The following PHRF1 variants were observed in gnomAD, a reference collection of about 807,000 sequenced individuals.
PHRF1 encodes PHD and ring finger domains 1, also known as PHD and RING finger domain-containing protein 1.
A neutral mutation model predicts 128.9 loss-of-function variants in PHRF1; 53 were observed. The observed-to-expected ratio is 0.41, with a 90% CI of 0.33 to 0.52. The LOEUF (loss-of-function observed/expected upper bound fraction) is 0.52, where lower values mean the gene tolerates loss of function less well. PHRF1 is among the 20% of genes least tolerant of loss of function. The probability of loss-of-function intolerance (pLI) is 0.21; values close to 1 mark genes in which losing one functional copy is unlikely to be tolerated. For synonymous variants in PHRF1, 1,178 were observed against 980.6 expected, an observed-to-expected ratio of 1.20 and a Z score of -3.76; for missense variants, 2,503 against 2,284.5, an observed-to-expected ratio of 1.10 and a Z score of -1.95.
At chr11:586,708 T>C (rs2132890056) in intron 3 of PHRF1, among the ~76,000 whole-genome samples, 1 of 152,338 alleles carries the variant, frequency 6.6e-6, no homozygotes, top group East Asian at 1.9e-4. Context: ...CCACTCCGAA[T>C]TGGCCAGAAC....
chr11:591,833 A>G (rs931193815), intron 5 of PHRF1, among the ~76,000 whole-genome samples: 15 of 151,696 alleles, frequency 9.9e-5, no homozygotes, highest in African/African-American at 1.7e-4. Flanking sequence ...TACAGCCTCA[A>G]TCTCCTGGGC....
At position 597,674 on chromosome 11, in the gene PHRF1, C is replaced by A; in HGVS notation, c.894+104C>A. The A allele has an allele frequency of 7.2e-7, 1 of 1,389,944 alleles. No homozygotes were observed. Among genetic ancestry groups the A allele is most frequent in the Non-Finnish European group, 9.7e-7 (1 of 1,030,622 alleles). 86.1% of individuals were successfully genotyped at this position (1,389,944 alleles called of 1,614,324 possible). ...GGCGTCGTCGGCACTGTGGGGTCCG[C>A]CCGGCCCCGGTGGCTCATGTTGTTC... On this transcript the variant is annotated intron_variant, in intron 8 of 17. Coordinates refer to ENST00000264555, the MANE Select transcript of PHRF1 (RefSeq NM_001286581.2). The surrounding 1 kb of genome is among the most constrained non-coding windows in gnomAD (Gnocchi z 6.5).
rs1855397835 is a variant in PHRF1 at position 598,000 on chromosome 11, T to C, written c.895-373T>C. On this transcript the variant is annotated intron_variant, in intron 8 of 17. Transcript: ENST00000264555. This position sits in a 1 kb window ranked among gnomAD's most constrained non-coding sequence, Gnocchi z 6.5. ...TGGACAAGCAGGAGGGTCTGGGCTG[T>C]GGGCATGTGGTGTGTGCCCTTGGCA... 6.6e-6 allele frequency among the ~76,000 whole-genome samples: 1 copy of C among 152,164 alleles called. No individual in the cohort carries two copies. Among genetic ancestry groups the C allele is most frequent in the African/African-American group, 2.4e-5 (1 of 41,432 alleles).
At chr11:603,492 C>G (rs1855759844) in intron 10 of PHRF1, among the ~76,000 whole-genome samples, 1 of 152,116 alleles carries the variant, frequency 6.6e-6, no homozygotes, top group Non-Finnish European at 1.5e-5. Flanking sequence ...CACGCCACCT[C>G]ACCTAGCTAA....
chr11:611,220 A>G (rs934836011), intron 17 of PHRF1, 138 bp downstream of exon 17: 10 of 1,379,474 alleles, frequency 7.2e-6, no homozygotes, highest in Admixed American at 2.5e-5. Context: ...AGGGGGCTGT[A>G]TTGCCACATC....
chr11:611,519 C>T, intron 17 of PHRF1, 115 bp from the exon 18 acceptor site: 3 of 1,445,052 alleles, frequency 2.1e-6, no homozygotes, highest in Non-Finnish European at 2.8e-6. Flanking sequence ...CTGCGTGCTG[C>T]ACCTAGGGCC....
rs528246217 is a variant in PHRF1 at position 581,842 on chromosome 11, G to T, written c.95-120G>T. ...TTGTGCCCCCACCTTGCCGGCCCTGGGGAAGCCGTTAGCCGTTTGGCAGGT... is the reference window on the plus strand; with the variant it reads ...TTGTGCCCCCACCTTGCCGGCCCTGTGGAAGCCGTTAGCCGTTTGGCAGGT... On this transcript the variant is annotated intron_variant, in intron 2 of 17. Transcript: ENST00000264555. 2.1e-5 allele frequency: 30 copies of T among 1,398,388 alleles called. No homozygotes were observed. In the South Asian group the frequency reaches 4.5e-4, roughly 21 times the overall value. The allele number at this position is 1,398,388 out of a possible 1,614,324, so 86.6% of individuals were successfully genotyped here. A position where few individuals can be genotyped will look rare whatever the true frequency, so the allele number is the denominator to read the frequency against.
At chr11:591,076 C>T (rs1220737560) in intron 4 of PHRF1, among the ~76,000 whole-genome samples, 1 of 152,212 alleles carries the variant, frequency 6.6e-6, no homozygotes, top group East Asian at 1.9e-4. Flanking sequence ...AAGACTTGAA[C>T]AGGCTCGCCG....
At position 610,938 on chromosome 11, in the gene PHRF1, C is replaced by T. The variant is rs768872921; in HGVS notation, c.4678-16C>T. The T allele has an allele frequency of 1.9e-6, 3 of 1,611,834 alleles. No homozygotes were observed. The highest frequency in any genetic ancestry group is 1.1e-5 in the South Asian group (1 of 91,042). On this transcript the variant is annotated splice_polypyrimidine_tract_variant and intron_variant, in intron 16 of 17. Transcript: ENST00000264555. ...CGGCTCCCTTCCTGGCCGCATCACA[C>T]ACATGTCCCCTCTAGTACATGAAGA...
rs751186044 is a variant in PHRF1 at position 597,517 on chromosome 11, A to C, written c.841A>C (p.Arg281=). 6.2e-7 allele frequency: 1 copy of C among 1,612,626 alleles called. No individual in the cohort carries two copies. Among genetic ancestry groups the C allele is most frequent in the Non-Finnish European group, 8.5e-7 (1 of 1,179,600 alleles). Residue 281 remains arginine, a synonymous_variant, in exon 8 of 18, where the codon AGA becomes CGA. Coordinates refer to ENST00000264555, the MANE Select transcript of PHRF1 (RefSeq NM_001286581.2). The surrounding 1 kb of genome is among the most constrained non-coding windows in gnomAD (Gnocchi z 6.5). The part of the protein sequence containing the change: ...RAIARTRQSE[R]VRATVNRNRI... ...GATAGCCAGGACACGGCAGAGTGAG[A>C]GAGTGAGAGCAACCGTGAACCGGAA... is the stretch of plus-strand genomic sequence containing the variant.
rs1243607187 is a variant in PHRF1, at chr11:608,816, A to T, written c.3360A>T (p.Gly1120=). The T allele has an allele frequency of 9.9e-6, 16 of 1,611,960 alleles. No individual in the cohort carries two copies. Among genetic ancestry groups the T allele is most frequent in the Non-Finnish European group, 1.4e-5 (16 of 1,179,830 alleles). The change falls in exon 14 of 18, where the codon GGA becomes GGT. Residue 1120 remains glycine (G), a synonymous_variant. Coordinates refer to ENST00000264555, the MANE Select transcript of PHRF1 (RefSeq NM_001286581.2). The part of the protein sequence containing the change: ...KKRRSASRPR[G]RECSPTSSLE... Reference sequence around the variant, plus strand: ...GGAGATCAGCGTCCAGACCTCGGGGAAGGGAGTGCTCCCCCACCAGCAGCC... The same window carrying T: ...GGAGATCAGCGTCCAGACCTCGGGGTAGGGAGTGCTCCCCCACCAGCAGCC...
rs756743408 is a variant in PHRF1 at position 597,527 on chromosome 11, C to T, written c.851C>T (p.Ala284Val). 2 of 1,612,304 alleles carry T rather than the reference C, an allele frequency of 1.2e-6. 1 individual carries two copies. The highest frequency in any genetic ancestry group is 2.2e-5 in the South Asian group (2 of 90,754). ...ACACGGCAGAGTGAGAGAGTGAGAG[C>T]AACCGTGAACCGGAACCGGATCTCC... ...ARTRQSERVR[A>V]TVNRNRISTA... Residue 284 changes from alanine (A) to valine (V), a missense_variant, in exon 8 of 18, where the codon GCA becomes GTA. Coordinates refer to ENST00000264555, the MANE Select transcript of PHRF1 (RefSeq NM_001286581.2). This position sits in a 1 kb window ranked among gnomAD's most constrained non-coding sequence, Gnocchi z 6.5.
intron 5 of PHRF1, among the ~76,000 whole-genome samples, chr11:592,077 G>A (rs1274476262): frequency 2.0e-5 from 3 of 152,008 alleles, no homozygotes; most frequent in South Asian, 4.2e-4. Context: ...CACCACGCCC[G>A]GCTAATTTTT....
intron 4 of PHRF1, among the ~76,000 whole-genome samples, chr11:589,019 C>T (rs1408660153): frequency 6.6e-6 from 1 of 151,816 alleles, no homozygotes; most frequent in Non-Finnish European, 1.5e-5. Flanking sequence ...ACCTGTAGTC[C>T]CAGCTACTCG....
Position 610,315 on chromosome 11 carries a change from G to A in PHRF1, c.4384G>A (p.Glu1462Lys). Residue 1462 changes from glutamate to lysine, a missense_variant, in exon 15 of 18, where the codon GAA (glutamate) becomes AAA (lysine). By Grantham distance (56) the Glu-to-Lys change is moderately conservative. Transcript: ENST00000264555. Reference sequence around the variant, plus strand: ...GCCCTTTCCCAGTCACGTGCTTCCGGAACCCGGGTTCCCAGACACAGACCC... The same window carrying A: ...GCCCTTTCCCAGTCACGTGCTTCCGAAACCCGGGTTCCCAGACACAGACCC... Reference protein sequence around the residue: ...ELPFPSHVLPEPGFPDTDPSQ... With the variant: ...ELPFPSHVLPKPGFPDTDPSQ... 3.2e-6 allele frequency: 5 copies of A among 1,565,702 alleles called. No individual in the cohort carries two copies. The highest frequency in any genetic ancestry group is 4.3e-6 in the Non-Finnish European group (5 of 1,155,414).
Position 607,277 on chromosome 11 carries a change from C to T in PHRF1, c.1821C>T (p.Ala607=), listed in dbSNP as rs1184177159. ...CTGTGAGGCTGGACTTGCCAGCAGC[C>T]CCTGGGGCGGTTCAGGCTCGGAACT... The part of the protein sequence containing the change: ...GAPVRLDLPA[A]PGAVQARNLS... Residue 607 remains alanine, a synonymous_variant, in exon 14 of 18, where the codon GCC becomes GCT. Coordinates refer to ENST00000264555, the MANE Select transcript of PHRF1 (RefSeq NM_001286581.2). The T allele has an allele frequency of 4.3e-6, 7 of 1,612,654 alleles. No homozygotes were observed. Among genetic ancestry groups the T allele is most frequent in the Non-Finnish European group, 5.9e-6 (7 of 1,179,876 alleles).
chr11:609,057 G>T lies in PHRF1; in HGVS notation c.3601G>T (p.Ala1201Ser). Residue 1201 changes from alanine to serine, a missense_variant, in exon 14 of 18, where the codon GCT (alanine) becomes TCT (serine). Coordinates refer to ENST00000264555, the MANE Select transcript of PHRF1 (RefSeq NM_001286581.2). ...AGAGAGGAAGGGGGCTGTGAGGGAG[G>T]CTTCCCCAGCGCCCCTTGCACAGGG... ...SPERKGAVRE[A>S]SPAPLAQGEP... 6.3e-7 allele frequency: 1 copy of T among 1,595,726 alleles called. No homozygotes were observed. The highest frequency in any genetic ancestry group is 1.1e-5 in the South Asian group (1 of 89,446).
rs202005033 is a variant in PHRF1, at chr11:607,687, A to G, written c.2231A>G (p.His744Arg). ...AGGGTGCCCCGGGAGCCCGGGGTGC[A>G]CACGGGCAGCTCCCGGCCCCCAGCC... ...SSRVPREPGV[H>R]TGSSRPPAPS... The change falls in exon 14 of 18, where the codon CAC becomes CGC. Residue 744 changes from histidine to arginine, a missense_variant. His to Arg is a conservative substitution (Grantham distance 29). Transcript: ENST00000264555. 1,357 of 1,610,264 alleles carry G rather than the reference A, an allele frequency of 8.4e-4. 4 individuals carry two copies. Among genetic ancestry groups the G allele is most frequent in the Non-Finnish European group, 1.0e-3 (1,203 of 1,178,322 alleles).
intron 4 of PHRF1, among the ~76,000 whole-genome samples, chr11:588,743 G>A (rs766468266): frequency 3.9e-5 from 6 of 151,938 alleles, no homozygotes; most frequent in Non-Finnish European, 7.4e-5. Flanking sequence ...TTTAAATTGA[G>A]GAACAAGATA....
Sources: gnomAD v4.1 joint callset for allele counts (sites outside exome capture counted in the v4.1 genomes callset) on GRCh38, gnomAD v4.1.1 for gene constraint, Gnocchi (gnomAD v3.1) non-coding constraint, MANE v1.5 for transcripts, NCBI Gene and HGNC (gene_info 2026-07-23, HGNC 2026-07-21) for gene names.